HDAC9: variants seen among roughly 807,000 people sequenced by gnomAD.
HDAC9 encodes the protein histone deacetylase 9.
HDAC9 carries 41 observed loss-of-function variants against 139.4 expected under a neutral mutation model. The observed-to-expected ratio is 0.29, with a 90% CI of 0.23 to 0.38. The LOEUF is 0.38. Among genes scored for constraint, HDAC9 ranks in the 10% least tolerant of loss-of-function variants. The probability of loss-of-function intolerance (pLI) is 1.00; values close to 1 mark genes in which losing one functional copy is unlikely to be tolerated. For synonymous variants in HDAC9, 517 were observed against 476.2 expected, an observed-to-expected ratio of 1.09 and a Z score of -1.12; for missense variants, 1,147 against 1,297.0, an observed-to-expected ratio of 0.88 and a Z score of 1.78.
intron 1 of HDAC9, among the ~76,000 whole-genome samples, chr7:18,432,753 C>A (rs928282723): frequency 6.6e-6 from 1 of 152,120 alleles, no homozygotes; most frequent in African/African-American, 2.4e-5. Context: ...AGAGACCATC[C>A]TGGCTAACAT....
At chr7:18,596,878 C>A (rs574923721) in intron 6 of HDAC9, among the ~76,000 whole-genome samples, 1 of 152,170 alleles carries the variant, frequency 6.6e-6, no homozygotes, top group Middle Eastern at 3.4e-3. Flanking sequence ...GCAAGATTTA[C>A]GAGAGTAAAA....
chr7:18,610,582 A>T (rs1430322084), intron 6 of HDAC9, among the ~76,000 whole-genome samples: 1 of 152,210 alleles, frequency 6.6e-6, no homozygotes, highest in Non-Finnish European at 1.5e-5. Flanking sequence ...AATAACCTGG[A>T]CTAAGAGCAA....
At chr7:18,142,441 T>C (rs761896003) in intron 1 of HDAC9, among the ~76,000 whole-genome samples, 5 of 152,186 alleles carry the variant, frequency 3.3e-5, no homozygotes, top group Non-Finnish European at 7.3e-5. Flanking sequence ...AATACACGTT[T>C]GAAGATGAAA....
intron 1 of HDAC9, among the ~76,000 whole-genome samples, chr7:18,440,553 G>C (rs942081708): frequency 6.6e-6 from 1 of 151,942 alleles, no homozygotes; most frequent in African/African-American, 2.4e-5. Flanking sequence ...AAGTGAATAA[G>C]GGTTTTTGTA....
At chr7:18,243,244 G>T (rs1351745820) in intron 2 of HDAC9, among the ~76,000 whole-genome samples, 1 of 152,224 alleles carries the variant, frequency 6.6e-6, no homozygotes, top group Non-Finnish European at 1.5e-5. Flanking sequence ...AGAAATAATT[G>T]TGAACGTTTA....
Position 18,277,415 on chromosome 7 carries a change from G to A in HDAC9, c.25+115066G>A, listed in dbSNP as rs531241065. 2.0e-5 allele frequency among the ~76,000 whole-genome samples: 3 copies of A among 152,292 alleles called. No individual in the cohort carries two copies. In the East Asian group the frequency reaches 5.8e-4, roughly 29 times the overall value. On this transcript the variant is annotated intron_variant, in intron 2 of 12. Transcript: ENST00000417496. ...AGAGCAGCAGGTGCAAATTGGAAGAGTGGAAGGTTTTGGCCTGTTGAAAGA... is the reference window on the plus strand; with the variant it reads ...AGAGCAGCAGGTGCAAATTGGAAGAATGGAAGGTTTTGGCCTGTTGAAAGA...
chr7:18,385,631 A>G (rs1406365362), intron 1 of HDAC9, among the ~76,000 whole-genome samples: 1 of 152,200 alleles, frequency 6.6e-6, no homozygotes, highest in African/African-American at 2.4e-5. Flanking sequence ...GGCCATAGTC[A>G]TACTTACGAT....
chr7:18,140,634 CAG>C (rs1453873766), intron 1 of HDAC9, among the ~76,000 whole-genome samples: 1 of 152,044 alleles, frequency 6.6e-6, no homozygotes, highest in Non-Finnish European at 1.5e-5. Context: ...ATTATGATAA[CAG>C]ATTTTTAAAA....
chr7:18,856,047 G>C (rs185389347), intron 21 of HDAC9, among the ~76,000 whole-genome samples: 2 of 152,226 alleles, frequency 1.3e-5, no homozygotes, highest in East Asian at 3.9e-4. Context: ...TTTGCACACA[G>C]ACCCAACATC....
intron 2 of HDAC9, among the ~76,000 whole-genome samples, chr7:18,545,190 G>T (rs970809629): frequency 6.6e-6 from 1 of 152,148 alleles, no homozygotes; most frequent in Non-Finnish European, 1.5e-5. Context: ...ATTTTAAAGT[G>T]TGAATGGAAA....
chr7:18,724,675 T>G (rs1785395872), intron 12 of HDAC9, among the ~76,000 whole-genome samples: 1 of 152,180 alleles, frequency 6.6e-6, no homozygotes, highest in African/African-American at 2.4e-5. Flanking sequence ...GGGATTTTTG[T>G]GTTCCATTAT....
intron 1 of HDAC9, among the ~76,000 whole-genome samples, chr7:18,337,019 TTTC>T (rs1211022445): frequency 1.3e-5 from 2 of 151,684 alleles, no homozygotes; most frequent in African/African-American, 4.8e-5. Flanking sequence ...TTTGTTAGAT[TTTC>T]TTCAATTGAA....
chr7:18,451,409 GTGTGTGTGTGTGTA>G (rs1792839789), intron 1 of HDAC9, among the ~76,000 whole-genome samples: 2 of 115,546 alleles, frequency 1.7e-5, no homozygotes, highest in Admixed American at 1.9e-4. Context: ...GTGTATATAT[GTGTGTGTGTGTGTA>G]TATATATGTG....
chr7:18,832,782 C>CTGGA (rs1795951700), intron 19 of HDAC9, among the ~76,000 whole-genome samples: 1 of 152,092 alleles, frequency 6.6e-6, no homozygotes, highest in South Asian at 2.1e-4. Flanking sequence ...GTTGCCCAGG[C>CTGGA]TGGAGTGCAA....
At chr7:18,843,620 G>A (rs2129217473) in intron 21 of HDAC9, among the ~76,000 whole-genome samples, 1 of 151,632 alleles carries the variant, frequency 6.6e-6, no homozygotes, top group Non-Finnish European at 1.5e-5. Flanking sequence ...TTGAACAGCT[G>A]TTTTTCAACC....
intron 1 of HDAC9, among the ~76,000 whole-genome samples, chr7:18,143,217 G>A (rs1178358): frequency 6.6e-6 from 1 of 151,956 alleles, no homozygotes. Flanking sequence ...TATTTTGTAG[G>A]AATTGCTGAT....
chr7:18,686,981 A>C (rs1782319649), intron 12 of HDAC9, among the ~76,000 whole-genome samples: 1 of 151,896 alleles, frequency 6.6e-6, no homozygotes. Flanking sequence ...TAAATTATAC[A>C]TATATAAAAT....
At chr7:18,899,518 G>A (rs985619139) in intron 22 of HDAC9, 3 of 151,822 alleles carry the variant, frequency 2.0e-5, no homozygotes, top group African/African-American at 7.3e-5. Context: ...TAAATAGATC[G>A]TACTTCAAAA....
intron 2 of HDAC9, among the ~76,000 whole-genome samples, chr7:18,242,662 C>G (rs1474758555): frequency 1.3e-5 from 2 of 152,110 alleles, no homozygotes; most frequent in African/African-American, 4.8e-5. Context: ...AAGTAAAATT[C>G]TACTTAAATT....
Sources: gnomAD v4.1 joint callset for allele counts (sites outside exome capture counted in the v4.1 genomes callset) on GRCh38, gnomAD v4.1.1 for gene constraint, MANE v1.5 for transcripts, NCBI Gene and HGNC (gene_info 2026-07-23, HGNC 2026-07-21) for gene names.